The following OCA2 variants were observed in gnomAD, a reference collection of about 807,000 sequenced individuals.
OCA2 encodes the protein OCA2 melanosomal transmembrane protein.
OCA2 carries 77 observed loss-of-function variants against 100.2 expected under a neutral mutation model. That is an observed-to-expected ratio of 0.77 (90% CI 0.64 to 0.93). The LOEUF (loss-of-function observed/expected upper bound fraction) is 0.93. Ranked by LOEUF, OCA2 falls within the 40% of genes least tolerant of loss-of-function variation. OCA2 has a pLI of 0.00. For missense variants in OCA2, 1,062 were observed against 1,089.1 expected (o/e 0.98, Z 0.35); for synonymous variants, 432 against 439.2 (o/e 0.98, Z 0.21).
chr15:27,799,396 G>A (rs11074306), intron 23 of OCA2, among the ~76,000 whole-genome samples: 50,936 of 152,102 alleles, frequency 0.33, 9,962 homozygotes, highest in South Asian at 0.56. Context: ...AAAATAGGGA[G>A]GAAAGGAGTG....
At chr15:27,733,145 C>T in the OCA2 span, among the ~76,000 whole-genome samples, 2 of 152,162 alleles carry the variant, frequency 1.3e-5, no homozygotes, top group Non-Finnish European at 2.9e-5. Context: ...ATCAAAATAC[C>T]TCAATTTTGT....
At chr15:27,744,776 TCAA>T in the OCA2 span, among the ~76,000 whole-genome samples, 1 of 152,094 alleles carries the variant, frequency 6.6e-6, no homozygotes, top group Non-Finnish European at 1.5e-5. Context: ...CCTTCCCCAC[TCAA>T]CTGACTGATG....
chr15:28,073,459 A>G (rs1210392962), intron 2 of OCA2, among the ~76,000 whole-genome samples: 2 of 152,230 alleles, frequency 1.3e-5, no homozygotes, highest in Admixed American at 6.5e-5. Context: ...ACATAGATGG[A>G]GCTGGAAGCT....
At chr15:27,896,051 AG>A in intron 19 of OCA2, 3 of 1,184,364 alleles carry the variant, frequency 2.5e-6, no homozygotes, top group Non-Finnish European at 3.7e-6. Context: ...AGATCTATGA[AG>A]GCCAAGTGGA....
intron 22 of OCA2, among the ~76,000 whole-genome samples, chr15:27,848,567 G>A (rs953645365): frequency 5.9e-5 from 9 of 152,198 alleles, no homozygotes; most frequent in African/African-American, 2.2e-4. Context: ...GGCACACCCA[G>A]GTCATCCTGC....
At position 27,957,883 on chromosome 15, in the gene OCA2, C is replaced by T. The variant is rs1490953611; in HGVS notation, c.1637-148G>A. ...CCCAGGGTCACCCAGAGCTTCTCAG[C>T]ACCTGAGCTATTGCAATGGAGCCCA... On this transcript the variant is annotated intron_variant, in intron 15 of 23. Coordinates refer to ENST00000354638, the MANE Select transcript of OCA2 (RefSeq NM_000275.3). The surrounding 1 kb of genome is among the most constrained non-coding windows in gnomAD (Gnocchi z 4.3). 3 of 863,436 alleles carry T rather than the reference C, an allele frequency of 3.5e-6. No individual in the cohort carries two copies. The highest frequency in any genetic ancestry group is 1.7e-5 in the African/African-American group (1 of 60,378). 53.5% of individuals were successfully genotyped at this position (863,436 alleles called of 1,614,324 possible). A position where few individuals can be genotyped will look rare whatever the true frequency, so the allele number is the denominator to read the frequency against.
At chr15:28,005,274 T>C (rs1409952258) in intron 9 of OCA2, among the ~76,000 whole-genome samples, 1 of 152,030 alleles carries the variant, frequency 6.6e-6, no homozygotes, top group Non-Finnish European at 1.5e-5. Context: ...GGTTCAACCC[T>C]GCCTTCACTG....
chr15:28,039,129 G>A (rs910864050), intron 2 of OCA2, among the ~76,000 whole-genome samples: 1 of 150,242 alleles, frequency 6.7e-6, no homozygotes, highest in Non-Finnish European at 1.5e-5. Context: ...CAAATAATAT[G>A]CACCAAACAT....
chr15:27,968,866 T>A (rs1272163073), intron 14 of OCA2, among the ~76,000 whole-genome samples: 1 of 152,090 alleles, frequency 6.6e-6, no homozygotes, highest in Non-Finnish European at 1.5e-5. Context: ...AGTTCTTCAA[T>A]GGGGGTATTA....
At chr15:27,769,262 C>T (rs1313224550) in intron 23 of OCA2, among the ~76,000 whole-genome samples, 1 of 152,242 alleles carries the variant, frequency 6.6e-6, no homozygotes, top group African/African-American at 2.4e-5. Flanking sequence ...AAGCACAAAT[C>T]ACGATGCACA....
At chr15:27,802,713 C>G (rs1045450399) in intron 23 of OCA2, among the ~76,000 whole-genome samples, 2 of 152,014 alleles carry the variant, frequency 1.3e-5, no homozygotes, top group African/African-American at 4.8e-5. Flanking sequence ...CCCAAATACC[C>G]CTCCCACACC....
chr15:27,897,772 G>C (rs2037767206), intron 19 of OCA2, among the ~76,000 whole-genome samples: 3 of 152,184 alleles, frequency 2.0e-5, no homozygotes, highest in Non-Finnish European at 4.4e-5. Context: ...CTGACAGCTT[G>C]CACCGTGCGC....
intron 2 of OCA2, among the ~76,000 whole-genome samples, chr15:28,068,106 AT>A (rs771654150): frequency 2.0e-5 from 3 of 152,104 alleles, no homozygotes; most frequent in South Asian, 2.1e-4. Context: ...CTTAATTTTT[AT>A]TGGTTTAAAG....
In OCA2 at chr15:28,045,750, A is replaced by G. The variant is rs114302816; in HGVS notation, c.228-13587T>C. Among the ~76,000 whole-genome samples the G allele has an allele frequency of 1.9e-3, 287 of 152,314 alleles. 1 individual carries two copies. The highest frequency in any genetic ancestry group is 6.6e-3 in the African/African-American group (275 of 41,556). On this transcript the variant is annotated intron_variant, in intron 2 of 23. Transcript: ENST00000354638. Reference sequence around the variant, plus strand: ...TCCAGGCTACAGTATTTTACAGAGAAATCCAGTATTTCTCTCCAACAAATA... The same window carrying G: ...TCCAGGCTACAGTATTTTACAGAGAGATCCAGTATTTCTCTCCAACAAATA...
intron 23 of OCA2, among the ~76,000 whole-genome samples, chr15:27,779,923 C>T (rs1451094721): frequency 6.6e-6 from 1 of 152,026 alleles, no homozygotes; most frequent in Non-Finnish European, 1.5e-5. Flanking sequence ...TTCTAGAGAC[C>T]TGCTGTAAAG....
At chr15:27,945,217 C>T (rs1486997379) in intron 18 of OCA2, among the ~76,000 whole-genome samples, 2 of 152,156 alleles carry the variant, frequency 1.3e-5, no homozygotes, top group Non-Finnish European at 2.9e-5. Flanking sequence ...ATGCCTCAGC[C>T]ACTCCAGGCC....
At chr15:27,885,376 G>A (rs933047861) in intron 19 of OCA2, among the ~76,000 whole-genome samples, 1 of 152,120 alleles carries the variant, frequency 6.6e-6, no homozygotes, top group African/African-American at 2.4e-5. Flanking sequence ...CCAGACCCAT[G>A]GGAAGGCTTT....
At chr15:27,982,932 G>A (rs1461396050) in intron 14 of OCA2, among the ~76,000 whole-genome samples, 1 of 152,008 alleles carries the variant, frequency 6.6e-6, no homozygotes, top group Non-Finnish European at 1.5e-5. Flanking sequence ...ATTCATTTCT[G>A]ACCCTTAAAA....
chr15:27,742,344 A>G, the OCA2 span, among the ~76,000 whole-genome samples: 1 of 152,174 alleles, frequency 6.6e-6, no homozygotes, highest in Admixed American at 6.5e-5. Flanking sequence ...GGAACCTTGG[A>G]GCAGACAGTA....
Sources: allele counts gnomAD v4.1 joint callset (sites outside exome capture counted in the v4.1 genomes callset), GRCh38; gene constraint gnomAD v4.1.1; non-coding constraint Gnocchi (gnomAD v3.1); transcripts MANE v1.5; gene names NCBI Gene and HGNC (gene_info 2026-07-23, HGNC 2026-07-21).